The following PZP variants were observed in gnomAD, a reference collection of about 807,000 sequenced individuals.
PZP encodes the protein pregnancy zone protein.
PZP carries 150 observed loss-of-function variants against 179.8 expected under a neutral mutation model. That is an observed-to-expected ratio of 0.83 (90% CI 0.73 to 0.96). The LOEUF (loss-of-function observed/expected upper bound fraction) is 0.96. Among genes scored for constraint, PZP ranks in the 40% least tolerant of loss-of-function variants. The probability of loss-of-function intolerance (pLI) is 0.00; values close to 1 mark genes in which losing one functional copy is unlikely to be tolerated. For synonymous variants in PZP, 624 were observed against 652.3 expected, an observed-to-expected ratio of 0.96 and a Z score of 0.66; for missense variants, 1,689 against 1,764.0, an observed-to-expected ratio of 0.96 and a Z score of 0.76.
the PZP span, among the ~76,000 whole-genome samples, chr12:9,140,817 TGAGGCCAGTTTCCC>T: frequency 6.6e-6 from 1 of 152,192 alleles, no homozygotes; most frequent in Non-Finnish European, 1.5e-5. Flanking sequence ...ACATAAAATA[TGAGGCCAGTTTCCC>T]GAGAGTTTTA....
intron 15 of PZP, among the ~76,000 whole-genome samples, chr12:9,179,655 G>T (rs1294349788): frequency 6.6e-6 from 1 of 152,160 alleles, no homozygotes; most frequent in Non-Finnish European, 1.5e-5. Flanking sequence ...ATGTTTGCAG[G>T]TATTAATTTT....
intron 15 of PZP, among the ~76,000 whole-genome samples, chr12:9,176,034 G>T (rs753407926): frequency 3.9e-5 from 6 of 152,054 alleles, no homozygotes; most frequent in African/African-American, 1.4e-4. Context: ...CACTATTCAC[G>T]ATAGCAAAGA....
Position 9,202,700 on chromosome 12 carries a change from T to A in PZP, c.268-16A>T, listed in dbSNP as rs368432890. The A allele has an allele frequency of 7.4e-6, 12 of 1,610,880 alleles. No homozygotes were observed. The highest frequency in any genetic ancestry group is 1.0e-5 in the Non-Finnish European group (12 of 1,178,290). On this transcript the variant is annotated splice_polypyrimidine_tract_variant and intron_variant, in intron 2 of 35. Coordinates refer to ENST00000261336, the MANE Select transcript of PZP (RefSeq NM_002864.3). Reference sequence around the variant, plus strand: ...TCCTTGGGAGCTAAAAAGCAAAGGATTTTTTACTACTGAGGAACTGTGCAG... The same window carrying A: ...TCCTTGGGAGCTAAAAAGCAAAGGAATTTTTACTACTGAGGAACTGTGCAG...
chr12:9,169,651 G>T (rs1941844786), intron 15 of PZP, 60 bp from the exon 16 acceptor site: 1 of 1,403,952 alleles, frequency 7.1e-7, no homozygotes. Context: ...GAAATAGAAT[G>T]AACTGAGAGA....
Position 9,202,453 on chromosome 12 carries a change from G to A in PZP, c.427+72C>T, listed in dbSNP as rs775918418. The A allele has an allele frequency of 3.1e-6, 5 of 1,612,016 alleles. No individual in the cohort carries two copies. The African/African-American group carries it at 6.7e-5, about 22-fold the overall frequency. ...ATAAGACAGGAGGCTACGGGGCTAG[G>A]ATAATGGAGACTTTGGCTGTTCAGG... On this transcript the variant is annotated intron_variant, in intron 3 of 35. Coordinates refer to ENST00000261336, the MANE Select transcript of PZP (RefSeq NM_002864.3).
chr12:9,148,686 A>G (rs1324891301), downstream of PZP, among the ~76,000 whole-genome samples: 1 of 152,078 alleles, frequency 6.6e-6, no homozygotes, highest in Non-Finnish European at 1.5e-5. Context: ...CTGAATTTTC[A>G]TTCAATTTCT....
intron 17 of PZP, among the ~76,000 whole-genome samples, chr12:9,168,242 A>G (rs748909816): frequency 5.3e-4 from 81 of 152,338 alleles, no homozygotes; most frequent in African/African-American, 1.9e-3. Context: ...CCCACTTCAC[A>G]TATAGGATAT....
chr12:9,165,986 A>C (rs980759055), intron 18 of PZP, 66 bp downstream of exon 18: 1 of 1,526,960 alleles, frequency 6.5e-7, no homozygotes, highest in Admixed American at 2.2e-5. Flanking sequence ...TTGTCTTAGA[A>C]TTGAAAATGT....
chr12:9,176,642 G>A (rs760338370), intron 15 of PZP, among the ~76,000 whole-genome samples: 1 of 152,312 alleles, frequency 6.6e-6, no homozygotes, highest in African/African-American at 2.4e-5. Context: ...AGGGCCAGAG[G>A]CCTGAATATT....
the PZP span, among the ~76,000 whole-genome samples, chr12:9,142,341 TG>T: frequency 6.6e-6 from 1 of 152,222 alleles, no homozygotes; most frequent in Non-Finnish European, 1.5e-5. Flanking sequence ...AAGATTATTC[TG>T]TTTGGGCTGA....
At chr12:9,187,968 C>G (rs1943228048) in intron 13 of PZP, among the ~76,000 whole-genome samples, 1 of 152,254 alleles carries the variant, frequency 6.6e-6, no homozygotes, top group South Asian at 2.1e-4. Flanking sequence ...GTGGTGGTGG[C>G]TGCAGTCCCA....
At chr12:9,197,766 A>G (rs1194250818) in intron 7 of PZP, among the ~76,000 whole-genome samples, 1 of 89,848 alleles carries the variant, frequency 1.1e-5, no homozygotes, top group Non-Finnish European at 1.9e-5. Flanking sequence ...ATAATTATAT[A>G]TTATACAATA....
At chr12:9,202,458 T>C (rs543165522) in intron 3 of PZP, 67 bp downstream of exon 3, 103 of 1,612,346 alleles carry the variant, frequency 6.4e-5, no homozygotes, top group Non-Finnish European at 8.5e-5. Context: ...GCTAGGATAA[T>C]GGAGACTTTG....
At position 9,196,329 on chromosome 12, in the gene PZP, C is replaced by T; in HGVS notation, c.1092+1G>A. On this transcript the variant is annotated splice_donor_variant, in intron 10 of 35. Coordinates refer to ENST00000261336, the MANE Select transcript of PZP (RefSeq NM_002864.3). LOFTEE classifies it high-confidence loss of function. Reference sequence around the variant, plus strand: ...TACCTGTGCATTACAACATATCTTACCTGTGCAAAAAAGGGGATTCCTTGT... The same window carrying T: ...TACCTGTGCATTACAACATATCTTATCTGTGCAAAAAAGGGGATTCCTTGT... 1 of 1,595,452 alleles carries T rather than the reference C, an allele frequency of 6.3e-7. No individual in the cohort carries two copies. Among genetic ancestry groups the T allele is most frequent in the Non-Finnish European group, 8.6e-7 (1 of 1,163,392 alleles).
intron 17 of PZP, among the ~76,000 whole-genome samples, chr12:9,167,751 G>C (rs1460304077): frequency 6.6e-6 from 1 of 151,986 alleles, no homozygotes; most frequent in East Asian, 1.9e-4. Context: ...TTTCCTGAGT[G>C]TTATTATATG....
intron 13 of PZP, among the ~76,000 whole-genome samples, chr12:9,184,612 A>C (rs1942987439): frequency 6.6e-6 from 1 of 152,218 alleles, no homozygotes; most frequent in South Asian, 2.1e-4. Flanking sequence ...GTGAATGAGG[A>C]GGGATCCCAC....
downstream of PZP, among the ~76,000 whole-genome samples, chr12:9,148,309 A>G (rs1940115609): frequency 6.6e-6 from 1 of 152,160 alleles, no homozygotes; most frequent in Non-Finnish European, 1.5e-5. Context: ...TATTAAAATA[A>G]TCTATAGGAT....
At chr12:9,167,590 A>T (rs1941679480) in intron 17 of PZP, 1 of 152,172 alleles carries the variant, frequency 6.6e-6, no homozygotes, top group African/African-American at 2.4e-5. Context: ...TAGTCATGGA[A>T]ATGGCTTCAT....
intron 17 of PZP, chr12:9,167,483 G>A (rs745584913): frequency 6.6e-6 from 1 of 152,136 alleles, no homozygotes; most frequent in Non-Finnish European, 1.5e-5. Flanking sequence ...TCCCAGGCGA[G>A]GTCGCACAAT....
Sources: gnomAD v4.1 joint callset for allele counts (sites outside exome capture counted in the v4.1 genomes callset) on GRCh38, gnomAD v4.1.1 for gene constraint, MANE v1.5 for transcripts, NCBI Gene and HGNC (gene_info 2026-07-23, HGNC 2026-07-21) for gene names.